ADCY2: variants seen among roughly 807,000 people sequenced by gnomAD.
The protein encoded by ADCY2 is adenylate cyclase 2, also known as adenylate cyclase type 2.
A neutral mutation model predicts 125.2 loss-of-function variants in ADCY2; 31 were observed. The ratio of observed to expected loss-of-function variants is 0.25; its 90% CI spans 0.19 to 0.33. ADCY2 has a LOEUF of 0.33. Ranked by LOEUF, ADCY2 falls within the 10% of genes least tolerant of loss-of-function variation. The pLI is 1.00. For synonymous variants in ADCY2, 512 were observed against 548.4 expected (o/e 0.93, Z 0.93); for missense variants, 904 against 1,418.2 (o/e 0.64, Z 5.82).
chr5:7,827,035 G>T lies in ADCY2; in HGVS notation c.*164G>T. On this transcript the variant is annotated 3_prime_UTR_variant, in exon 25 of 25. Transcript: ENST00000338316. ...AGTGGCATACCGTTTGGTGTCTGATGTGTGCCCAGATCGTTCTGCCACTTG... is the reference window on the plus strand; with the variant it reads ...AGTGGCATACCGTTTGGTGTCTGATTTGTGCCCAGATCGTTCTGCCACTTG... 1 of 832,998 alleles carries T rather than the reference G, an allele frequency of 1.2e-6. No individual in the cohort carries two copies. The highest frequency in any genetic ancestry group is 3.1e-5 in the Admixed American group (1 of 31,826). 51.6% of individuals were successfully genotyped at this position (832,998 alleles called of 1,614,324 possible).
intron 23 of ADCY2, 73 bp downstream of exon 23, chr5:7,817,053 T>C: frequency 8.7e-7 from 1 of 1,143,782 alleles, no homozygotes; most frequent in Non-Finnish European, 1.3e-6. Context: ...CAGGAGATAT[T>C]GATGATCCTT....
chr5:7,563,384 C>T lies in ADCY2; in HGVS notation c.570+42485C>T, dbSNP rs1243103466. ...GAAAGCTGCTGATCATACCCTGAGGCGCCCCTGAGTCCACAGAAGCTTCTG... is the reference window on the plus strand; with the variant it reads ...GAAAGCTGCTGATCATACCCTGAGGTGCCCCTGAGTCCACAGAAGCTTCTG... On this transcript the variant is annotated intron_variant, in intron 3 of 24. Coordinates refer to ENST00000338316, the MANE Select transcript of ADCY2 (RefSeq NM_020546.3). 7.9e-5 allele frequency among the ~76,000 whole-genome samples: 12 copies of T among 152,236 alleles called. No homozygotes were observed. The South Asian group carries it at 8.3e-4, about 11-fold the overall frequency.
chr5:7,572,417 T>C (rs540291433), intron 3 of ADCY2, among the ~76,000 whole-genome samples: 50 of 152,216 alleles, frequency 3.3e-4, no homozygotes, highest in Non-Finnish European at 5.9e-4. Context: ...TGTTGAGCTT[T>C]TTTTCATATG....
At chr5:7,712,408 C>G (rs6883085) in intron 10 of ADCY2, among the ~76,000 whole-genome samples, 2 of 152,160 alleles carry the variant, frequency 1.3e-5, no homozygotes, top group Non-Finnish European at 2.9e-5. Context: ...TGTTTCTTAA[C>G]GCCCCAGTTC....
chr5:7,791,481 G>A (rs1744247377), intron 20 of ADCY2, among the ~76,000 whole-genome samples: 1 of 152,148 alleles, frequency 6.6e-6, no homozygotes, highest in Non-Finnish European at 1.5e-5. Flanking sequence ...TGAGGTGCTA[G>A]ACATCACCAC....
At position 7,709,162 on chromosome 5, in the gene ADCY2, G is replaced by A. The variant is rs188263479; in HGVS notation, c.1402-49G>A. 250 of 1,515,748 alleles carry A rather than the reference G, an allele frequency of 1.6e-4. No homozygotes were observed. The African/African-American group carries it at 3.1e-3, about 19-fold the overall frequency. 93.9% of individuals were successfully genotyped at this position (1,515,748 alleles called of 1,614,324 possible). On this transcript the variant is annotated intron_variant, in intron 9 of 24. Transcript: ENST00000338316. This position sits in a 1 kb window ranked among gnomAD's most constrained non-coding sequence, Gnocchi z 4.4. ...ATGAGGTCGATGCCAAAAGGATCAT[G>A]TGTGGCCCTGTGCTGTGCCAGGTGT...
intron 23 of ADCY2, among the ~76,000 whole-genome samples, chr5:7,818,631 A>T (rs1378269176): frequency 2.0e-5 from 3 of 152,116 alleles, no homozygotes; most frequent in African/African-American, 7.2e-5. Context: ...TCCTGACCTC[A>T]AGTGATCTGC....
chr5:7,675,879 C>A (rs1740110019), intron 4 of ADCY2, among the ~76,000 whole-genome samples: 1 of 152,068 alleles, frequency 6.6e-6, no homozygotes, highest in South Asian at 2.1e-4. Context: ...TAATTGATAT[C>A]GTTGGTATTA....
At chr5:7,435,899 T>C (rs971628725) in intron 2 of ADCY2, among the ~76,000 whole-genome samples, 2 of 152,216 alleles carry the variant, frequency 1.3e-5, no homozygotes, top group African/African-American at 2.4e-5. Context: ...GGTGGACTTC[T>C]GTAGAATGAA....
intron 2 of ADCY2, among the ~76,000 whole-genome samples, chr5:7,433,120 C>A (rs535194655): frequency 1.1e-4 from 17 of 152,262 alleles, no homozygotes; most frequent in Non-Finnish European, 2.1e-4. Flanking sequence ...CGCCAAAAAA[C>A]GTGTCCAGGC....
intron 23 of ADCY2, among the ~76,000 whole-genome samples, 194 bp from the exon 24 acceptor site, chr5:7,820,371 G>A (rs1336691614): frequency 6.6e-6 from 1 of 152,132 alleles, no homozygotes; most frequent in Non-Finnish European, 1.5e-5. Flanking sequence ...GTGTGTTCCT[G>A]TAGCCCCAGC....
At chr5:7,449,418 A>G (rs1378951902) in intron 2 of ADCY2, among the ~76,000 whole-genome samples, 1 of 152,192 alleles carries the variant, frequency 6.6e-6, no homozygotes, top group African/African-American at 2.4e-5. Context: ...GGGGTGAACA[A>G]AAGAGCACCT....
At chr5:7,540,143 C>T (rs1275865680) in intron 3 of ADCY2, among the ~76,000 whole-genome samples, 1 of 152,020 alleles carries the variant, frequency 6.6e-6, no homozygotes, top group Non-Finnish European at 1.5e-5. Context: ...AACACATGGA[C>T]ACATAGAGGG....
intron 3 of ADCY2, among the ~76,000 whole-genome samples, chr5:7,534,281 G>T (rs186482011): frequency 2.6e-5 from 4 of 152,314 alleles, no homozygotes; most frequent in Admixed American, 2.6e-4. Context: ...GTGGCTGAGG[G>T]TTCTGTCAAT....
At position 7,766,822 on chromosome 5, in the gene ADCY2, T is replaced by A. The variant is rs770123476; in HGVS notation, c.2214+16T>A. On this transcript the variant is annotated intron_variant, in intron 17 of 24. Coordinates refer to ENST00000338316, the MANE Select transcript of ADCY2 (RefSeq NM_020546.3). ...TTTCCTCCCGGTAAGAACATTGCAA[T>A]TATGACTGCTTTGGTGGCTCTCCTG... 3 of 1,605,444 alleles carry A rather than the reference T, an allele frequency of 1.9e-6. No individual in the cohort carries two copies. In the South Asian group the frequency reaches 3.4e-5, roughly 18 times the overall value.
intron 3 of ADCY2, among the ~76,000 whole-genome samples, chr5:7,536,761 G>A (rs1734825488): frequency 6.6e-6 from 1 of 151,806 alleles, no homozygotes; most frequent in East Asian, 1.9e-4. Flanking sequence ...ACTCATAAGT[G>A]GGAGTCGAAC....
chr5:7,478,463 C>G (rs183299653), intron 2 of ADCY2, among the ~76,000 whole-genome samples: 1 of 152,128 alleles, frequency 6.6e-6, no homozygotes, highest in Non-Finnish European at 1.5e-5. Flanking sequence ...TTTATAATTA[C>G]AGAATATACT....
chr5:7,742,534 A>G (rs1275665122), intron 14 of ADCY2, among the ~76,000 whole-genome samples: 1 of 152,068 alleles, frequency 6.6e-6, no homozygotes, highest in African/African-American at 2.4e-5. Context: ...GTTGGTTTGA[A>G]CTCAAGTTTT....
intron 3 of ADCY2, among the ~76,000 whole-genome samples, chr5:7,596,656 C>T (rs78696499): frequency 0.016 from 2,410 of 152,180 alleles, 56 homozygotes; most frequent in African/African-American, 0.055. Context: ...GAGTTAAACC[C>T]GTTAAGTGAA....
Sources: allele counts gnomAD v4.1 joint callset (sites outside exome capture counted in the v4.1 genomes callset), GRCh38; gene constraint gnomAD v4.1.1; non-coding constraint Gnocchi (gnomAD v3.1); transcripts MANE v1.5; gene names NCBI Gene and HGNC (gene_info 2026-07-23, HGNC 2026-07-21).